PCDH9: variants seen among roughly 807,000 people sequenced by gnomAD.
PCDH9 encodes the protein protocadherin 9, also known as protocadherin-9.
Under a neutral mutation model 70.6 loss-of-function variants are expected in PCDH9, and 24 were observed. The ratio of observed to expected loss-of-function variants is 0.34; its 90% CI spans 0.25 to 0.48. The LOEUF is 0.48. Among genes scored for constraint, PCDH9 ranks in the 20% least tolerant of loss-of-function variants. The probability of loss-of-function intolerance (pLI) is 0.99; values close to 1 mark genes in which losing one functional copy is unlikely to be tolerated. For missense variants in PCDH9, 1,281 were observed against 1,503.6 expected (o/e 0.85, Z 2.45); for synonymous variants, 562 against 558.5 (o/e 1.01, Z -0.09).
At chr13:66,478,239 G>A (rs1299805522) in intron 4 of PCDH9, among the ~76,000 whole-genome samples, 1 of 152,128 alleles carries the variant, frequency 6.6e-6, no homozygotes, top group African/African-American at 2.4e-5. Context: ...TGTGGGTTCT[G>A]ACTGCTCCAC....
At chr13:66,753,596 C>G (rs1440370043) in intron 3 of PCDH9, among the ~76,000 whole-genome samples, 1 of 152,108 alleles carries the variant, frequency 6.6e-6, no homozygotes, top group East Asian at 1.9e-4. Context: ...ATCAAGAAAA[C>G]TGACTCAGAG....
rs1482856894 is a variant in PCDH9 at position 66,866,326 on chromosome 13, C to CA, written c.3138+37177dup. 1.3e-4 allele frequency among the ~76,000 whole-genome samples: 20 copies of CA among 151,690 alleles called. No homozygotes were observed. The East Asian group carries it at 2.5e-3, about 19-fold the overall frequency. On this transcript the variant is annotated intron_variant, in intron 3 of 4. Transcript: ENST00000377865. ...TGAAACCCCGTCTCTATTAAAAATA[C>CA]AAAAAATTAGCTGGGCATGGTGGCG... is the stretch of plus-strand genomic sequence containing the variant.
At chr13:66,661,253 G>A (rs2078004744) in intron 3 of PCDH9, among the ~76,000 whole-genome samples, 2 of 152,148 alleles carry the variant, frequency 1.3e-5, no homozygotes, top group African/African-American at 4.8e-5. Flanking sequence ...TGGAACTGAA[G>A]AATTGAGATA....
intron 4 of PCDH9, among the ~76,000 whole-genome samples, chr13:66,311,082 A>G (rs1223306050): frequency 1.3e-5 from 2 of 152,082 alleles, no homozygotes; most frequent in African/African-American, 4.8e-5. Context: ...ACATTTAGAT[A>G]TAGTGATGTT....
intron 4 of PCDH9, among the ~76,000 whole-genome samples, chr13:66,375,700 A>G (rs1236823846): frequency 6.6e-6 from 1 of 152,136 alleles, no homozygotes; most frequent in Admixed American, 6.6e-5. Flanking sequence ...TTTTATAACC[A>G]TGAATTTAAC....
At chr13:66,371,795 T>C (rs890867508) in intron 4 of PCDH9, among the ~76,000 whole-genome samples, 55 of 152,172 alleles carry the variant, frequency 3.6e-4, no homozygotes, top group African/African-American at 1.3e-3. Context: ...AGAAAAATCC[T>C]ATGCCATTAC....
At chr13:66,415,436 A>G (rs1957445187) in intron 4 of PCDH9, among the ~76,000 whole-genome samples, 2 of 152,190 alleles carry the variant, frequency 1.3e-5, no homozygotes, top group Admixed American at 6.5e-5. Context: ...CATAAATGCC[A>G]TCTCTTCATG....
rs182612280 is a variant in PCDH9 at position 66,636,177 on chromosome 13, T to G, written c.3139-4766A>C. 2.1e-3 allele frequency among the ~76,000 whole-genome samples: 315 copies of G among 152,280 alleles called. 1 individual carries two copies. The highest frequency in any genetic ancestry group is 3.6e-3 in the Non-Finnish European group (244 of 68,002). ...CATGTGATTATGATATTCAAAAATG[T>G]TATTATTTTGACCACACTAAAATTT... On this transcript the variant is annotated intron_variant, in intron 3 of 4. Coordinates refer to ENST00000377865, the MANE Select transcript of PCDH9 (RefSeq NM_203487.3).
At chr13:66,533,783 C>A (rs1290024412) in intron 4 of PCDH9, among the ~76,000 whole-genome samples, 1 of 152,078 alleles carries the variant, frequency 6.6e-6, no homozygotes, top group Non-Finnish European at 1.5e-5. Context: ...AAGTTACGGA[C>A]AATTTTTATT....
chr13:67,070,236 G>C (rs1318456012), intron 2 of PCDH9, among the ~76,000 whole-genome samples: 6 of 151,468 alleles, frequency 4.0e-5, no homozygotes, highest in Non-Finnish European at 8.8e-5. Flanking sequence ...ACCAAAAAAA[G>C]GTAAAGACAC....
chr13:67,109,218 C>T (rs1008819450), intron 2 of PCDH9, among the ~76,000 whole-genome samples: 1 of 152,120 alleles, frequency 6.6e-6, no homozygotes, highest in African/African-American at 2.4e-5. Context: ...GGTTCTCCAC[C>T]TTTGCCACTT....
At chr13:66,571,922 A>G (rs1460058232) in intron 4 of PCDH9, among the ~76,000 whole-genome samples, 1 of 152,070 alleles carries the variant, frequency 6.6e-6, no homozygotes, top group East Asian at 1.9e-4. Flanking sequence ...AAAATCTATA[A>G]TTTGTTGTAG....
intron 2 of PCDH9, chr13:67,216,216 T>C (rs2089596275): frequency 6.6e-6 from 1 of 152,156 alleles, no homozygotes. Flanking sequence ...AAGAAGCTTT[T>C]ACTTAATTAT....
chr13:66,981,199 G>C (rs184051066), intron 2 of PCDH9, among the ~76,000 whole-genome samples: 1 of 152,136 alleles, frequency 6.6e-6, no homozygotes, highest in Non-Finnish European at 1.5e-5. Context: ...AGCACTTCGG[G>C]AGGCCCAGGC....
intron 4 of PCDH9, among the ~76,000 whole-genome samples, chr13:66,548,051 A>T (rs1318596593): frequency 1.3e-5 from 2 of 151,372 alleles, no homozygotes; most frequent in Non-Finnish European, 2.9e-5. Context: ...TTTCGTGCCC[A>T]TCTTTTCATT....
chr13:66,750,995 T>TTAGTG (rs2079448808), intron 3 of PCDH9, among the ~76,000 whole-genome samples: 1 of 152,162 alleles, frequency 6.6e-6, no homozygotes, highest in African/African-American at 2.4e-5. Flanking sequence ...AAACGGGCCA[T>TTAGTG]TTTAATTTGT....
At chr13:66,453,390 G>T (rs550795837) in intron 4 of PCDH9, among the ~76,000 whole-genome samples, 1 of 152,210 alleles carries the variant, frequency 6.6e-6, no homozygotes, top group East Asian at 1.9e-4. Flanking sequence ...TCCTACTAGA[G>T]GTCAAATGCA....
At chr13:66,782,879 T>C (rs2139302088) in intron 3 of PCDH9, 2 of 152,326 alleles carry the variant, frequency 1.3e-5, no homozygotes, top group Non-Finnish European at 2.9e-5. Context: ...TTATTAATGT[T>C]TCTAAATTAA....
chr13:66,910,499 GTTAAGATA>G (rs565577294), intron 2 of PCDH9, among the ~76,000 whole-genome samples: 283 of 151,192 alleles, frequency 1.9e-3, no homozygotes, highest in African/African-American at 6.5e-3. Flanking sequence ...TTCCAAAACA[GTTAAGATA>G]TAAGAATGCT....
Sources: gnomAD v4.1 joint callset for allele counts (sites outside exome capture counted in the v4.1 genomes callset) on GRCh38, gnomAD v4.1.1 for gene constraint, MANE v1.5 for transcripts, NCBI Gene and HGNC (gene_info 2026-07-23, HGNC 2026-07-21) for gene names.